STK3: variants seen among roughly 807,000 people sequenced by gnomAD.
STK3 encodes the protein serine/threonine kinase 3, also known as serine/threonine-protein kinase 3.
In STK3, 41 loss-of-function variants were observed where a neutral mutation model predicts 58.0. The observed-to-expected ratio is 0.71, with a 90% confidence interval of 0.55 to 0.92. STK3 has a LOEUF of 0.92. Among genes scored for constraint, STK3 ranks in the 40% least tolerant of loss-of-function variants. STK3 has a pLI of 0.00. For synonymous variants in STK3, 170 were observed against 191.0 expected, an observed-to-expected ratio of 0.89 and a Z score of 0.91; for missense variants, 479 against 602.7, an observed-to-expected ratio of 0.79 and a Z score of 2.15.
intron 3 of STK3, among the ~76,000 whole-genome samples, chr8:98,855,606 G>A (rs1836637984): frequency 1.3e-5 from 2 of 152,132 alleles, no homozygotes; most frequent in South Asian, 4.1e-4. Context: ...TTCAGCCATA[G>A]CTTCTTAGAT....
Position 98,743,432 on chromosome 8 carries a change from A to G in STK3, c.351+5844T>C, listed in dbSNP as rs201432535. ...ACAGAGCCCTCAGAAATAATGCTTC[A>G]TATCTACAACTATCTGATCTTTGAC... is the stretch of plus-strand genomic sequence containing the variant. On this transcript the variant is annotated intron_variant, in intron 4 of 10. Coordinates refer to ENST00000419617, the MANE Select transcript of STK3 (RefSeq NM_006281.4). Among the ~76,000 whole-genome samples, 6 of 152,304 alleles carry G rather than the reference A, an allele frequency of 3.9e-5. No individual in the cohort carries two copies. The East Asian group carries it at 5.8e-4, about 15-fold the overall frequency.
intron 6 of STK3, among the ~76,000 whole-genome samples, chr8:98,631,125 A>C (rs547910959): frequency 2.4e-4 from 36 of 152,234 alleles, no homozygotes; most frequent in Middle Eastern, 3.4e-3. Context: ...GGCCGCCATT[A>C]TCTCTTACCT....
At chr8:98,598,776 A>G in intron 6 of STK3, 1 of 985,410 alleles carries the variant, frequency 1.0e-6, no homozygotes, top group Non-Finnish European at 1.2e-6. Flanking sequence ...ATGTTAGTAA[A>G]ATAAATGACA....
At chr8:98,808,466 G>A (rs1270883501) in intron 1 of STK3, among the ~76,000 whole-genome samples, 1 of 152,206 alleles carries the variant, frequency 6.6e-6, no homozygotes, top group Non-Finnish European at 1.5e-5. Context: ...TGCTAAGGAT[G>A]TCTCTTCAGT....
intron 1 of STK3, among the ~76,000 whole-genome samples, chr8:98,933,837 T>C (rs374395408): frequency 6.6e-6 from 1 of 152,120 alleles, no homozygotes; most frequent in Non-Finnish European, 1.5e-5. Context: ...ACTTCTAGAC[T>C]TGGAAGAGAG....
chr8:98,937,499 T>C (rs2132055397), intron 1 of STK3, among the ~76,000 whole-genome samples: 1 of 152,380 alleles, frequency 6.6e-6, no homozygotes, highest in East Asian at 1.9e-4. Context: ...AAGATTGCCA[T>C]TAAATACAAA....
chr8:98,804,281 C>T (rs1244340916), intron 1 of STK3, among the ~76,000 whole-genome samples: 10 of 152,098 alleles, frequency 6.6e-5, no homozygotes, highest in South Asian at 2.1e-4. Context: ...GGATTACAGG[C>T]GTGAGCCACC....
intron 3 of STK3, among the ~76,000 whole-genome samples, chr8:98,755,204 G>C (rs1473922732): frequency 6.6e-6 from 1 of 152,122 alleles, no homozygotes; most frequent in Non-Finnish European, 1.5e-5. Flanking sequence ...GAACTAAACA[G>C]CCACATGCAT....
chr8:98,774,842 AAG>A, intron 1 of STK3, 23 bp from the exon 2 acceptor site: 2 of 1,509,612 alleles, frequency 1.3e-6, no homozygotes, highest in Non-Finnish European at 1.8e-6. Context: ...AGAAAGAAGA[AAG>A]AAAATATTTT....
chr8:98,502,120 T>A (rs1202402249), intron 10 of STK3, among the ~76,000 whole-genome samples: 1 of 152,148 alleles, frequency 6.6e-6, no homozygotes, highest in African/African-American at 2.4e-5. Flanking sequence ...AGGTCCTTCA[T>A]ATCCCTTGTA....
chr8:98,524,432 A>G (rs1179870389), intron 10 of STK3, among the ~76,000 whole-genome samples: 2 of 152,214 alleles, frequency 1.3e-5, no homozygotes, highest in South Asian at 2.1e-4. Flanking sequence ...GACTCTGTAG[A>G]TTGCTTTAGG....
At chr8:98,388,505 T>C (rs577237569), upstream of STK3, among the ~76,000 whole-genome samples, 1 of 152,346 alleles carries the variant, frequency 6.6e-6, no homozygotes, top group African/African-American at 2.4e-5. Flanking sequence ...ACTTATGAAG[T>C]ATTCTTCTAA....
chr8:98,385,647 C>G (rs894186303), intron 1 of STK3, among the ~76,000 whole-genome samples: 4 of 152,114 alleles, frequency 2.6e-5, no homozygotes, highest in Non-Finnish European at 5.9e-5. Flanking sequence ...GTCACTGTAG[C>G]CCTGCTCCAA....
intron 8 of STK3, among the ~76,000 whole-genome samples, chr8:98,559,453 T>G (rs1242714165): frequency 6.6e-6 from 1 of 152,088 alleles, no homozygotes; most frequent in African/African-American, 2.4e-5. Context: ...AGGAGCCCCA[T>G]GAAAGGCTTC....
chr8:98,766,506 C>T (rs530324344), intron 3 of STK3, among the ~76,000 whole-genome samples: 2 of 152,302 alleles, frequency 1.3e-5, no homozygotes, highest in East Asian at 1.9e-4. Context: ...TGGCCCTGAA[C>T]TCCTGGGCTC....
intron 9 of STK3, among the ~76,000 whole-genome samples, chr8:98,540,834 C>A (rs1335769077): frequency 6.6e-6 from 1 of 152,044 alleles, no homozygotes; most frequent in African/African-American, 2.4e-5. Flanking sequence ...AGCTATATGC[C>A]TGCTAGTTTA....
At chr8:98,847,607 C>G (rs1262733069) in intron 3 of STK3, among the ~76,000 whole-genome samples, 3 of 152,188 alleles carry the variant, frequency 2.0e-5, no homozygotes, top group African/African-American at 2.4e-5. Context: ...AGCAGAATTA[C>G]TGTCACCTTT....
At chr8:98,362,990 T>G in the STK3 span, among the ~76,000 whole-genome samples, 1 of 152,130 alleles carries the variant, frequency 6.6e-6, no homozygotes, top group Non-Finnish European at 1.5e-5. Context: ...TCATTATCAG[T>G]CTCTCTCTCA....
At chr8:98,442,944 C>A in intron 1 of STK3, among the ~76,000 whole-genome samples, 1 of 150,832 alleles carries the variant, frequency 6.6e-6, no homozygotes, top group East Asian at 1.9e-4. Flanking sequence ...TTTGTACCAA[C>A]GACCACAGAA....
Sources: gnomAD v4.1 joint callset for allele counts (sites outside exome capture counted in the v4.1 genomes callset) on GRCh38, gnomAD v4.1.1 for gene constraint, MANE v1.5 for transcripts, NCBI Gene and HGNC (gene_info 2026-07-23, HGNC 2026-07-21) for gene names.